SVOP: variants seen among roughly 807,000 people sequenced by gnomAD.
The protein encoded by SVOP is SV2 related protein.
In SVOP, 17 loss-of-function variants were observed where a neutral mutation model predicts 69.1. The ratio of observed to expected loss-of-function variants is 0.25; its 90% CI spans 0.17 to 0.37. The LOEUF (loss-of-function observed/expected upper bound fraction) is 0.37. SVOP is among the 10% of genes least tolerant of loss of function. The probability of loss-of-function intolerance (pLI) is 1.00; values close to 1 mark genes in which losing one functional copy is unlikely to be tolerated. For synonymous variants in SVOP, 238 were observed against 238.6 expected (o/e 1.00, Z 0.02); for missense variants, 435 against 597.5 (o/e 0.73, Z 2.84).
At chr12:108,953,275 A>G (rs1473226044) in intron 6 of SVOP, among the ~76,000 whole-genome samples, 1 of 150,476 alleles carries the variant, frequency 6.6e-6, no homozygotes, top group East Asian at 2.0e-4. Context: ...CAGCCTCCCA[A>G]GTAGCTGGGA....
At position 108,964,692 on chromosome 12, in the gene SVOP, T is replaced by C. The variant is rs572302154; in HGVS notation, c.454-3645A>G. Among the ~76,000 whole-genome samples the C allele has an allele frequency of 7.9e-5, 12 of 152,276 alleles. No homozygotes were observed. In the East Asian group the frequency reaches 1.7e-3, roughly 22 times the overall value. On this transcript the variant is annotated intron_variant, in intron 5 of 15. Transcript: ENST00000610966. ...CAGCAAGCCCCACCCAATAGCTTGTTTGGGACTCCGCAGACATGTCTCACG... is the reference window on the plus strand; with the variant it reads ...CAGCAAGCCCCACCCAATAGCTTGTCTGGGACTCCGCAGACATGTCTCACG...
At chr12:108,992,074 C>A (rs2137446012) in intron 1 of SVOP, among the ~76,000 whole-genome samples, 1 of 152,208 alleles carries the variant, frequency 6.6e-6, no homozygotes, top group South Asian at 2.1e-4. Context: ...TACCCTCCCC[C>A]AACAATATTG....
Position 108,989,055 on chromosome 12 carries a change from G to A in SVOP, c.36-5294C>T, listed in dbSNP as rs529389572. Among the ~76,000 whole-genome samples, 160 of 152,154 alleles carry A rather than the reference G, an allele frequency of 1.1e-3. 4 individuals carry two copies. In the South Asian group the frequency reaches 0.02, roughly 19 times the overall value. The stretch of plus-strand genomic sequence containing the variant: ...CCCAAAGTGCTGGTATTACAGGCAT[G>A]AGCCACCATGCCCACCCTCCTTTTT... On this transcript the variant is annotated intron_variant, in intron 1 of 15. Coordinates refer to ENST00000610966, the MANE Select transcript of SVOP (RefSeq NM_018711.5).
At chr12:108,919,116 A>G (rs1223400336) in intron 13 of SVOP, among the ~76,000 whole-genome samples, 1 of 147,988 alleles carries the variant, frequency 6.8e-6, no homozygotes, top group Non-Finnish European at 1.5e-5. Context: ...CCCTACCTGC[A>G]CCCACACCTG....
intron 14 of SVOP, among the ~76,000 whole-genome samples, chr12:108,916,242 G>C (rs1161896761): frequency 2.0e-5 from 3 of 152,210 alleles, no homozygotes; most frequent in African/African-American, 7.2e-5. Context: ...ACTTCATAAA[G>C]AGAGAGATGG....
chr12:108,914,390 GA>G (rs760833643), intron 15 of SVOP, among the ~76,000 whole-genome samples: 1 of 152,092 alleles, frequency 6.6e-6, no homozygotes, highest in Admixed American at 6.5e-5. Flanking sequence ...GATTCAAACA[GA>G]AAAAAACCTG....
intron 5 of SVOP, among the ~76,000 whole-genome samples, chr12:108,963,048 T>A (rs991981559): frequency 3.3e-5 from 5 of 151,974 alleles, no homozygotes; most frequent in Non-Finnish European, 5.9e-5. Context: ...GGAAAAAAAA[T>A]TAAGAGTAAA....
chr12:109,000,939 A>G (rs2040264666), intron 1 of SVOP, among the ~76,000 whole-genome samples: 1 of 150,270 alleles, frequency 6.7e-6, no homozygotes, highest in South Asian at 2.1e-4. Context: ...CCTATTCAAC[A>G]TAGTGTTGGC....
chr12:108,930,222 A>G (rs1397723960), intron 11 of SVOP, among the ~76,000 whole-genome samples: 2 of 152,240 alleles, frequency 1.3e-5, no homozygotes, highest in African/African-American at 2.4e-5. Context: ...GACAAATTAA[A>G]TGTAACAGAG....
chr12:108,940,643 C>T, intron 8 of SVOP, 141 bp downstream of exon 8: 1 of 1,290,220 alleles, frequency 7.8e-7, no homozygotes, highest in Non-Finnish European at 1.0e-6. Flanking sequence ...CAGGCCATAG[C>T]TCCCTTGTCT....
At chr12:108,971,908 G>A (rs1314649309) in intron 5 of SVOP, among the ~76,000 whole-genome samples, 1 of 151,986 alleles carries the variant, frequency 6.6e-6, no homozygotes, top group Admixed American at 6.6e-5. Flanking sequence ...ACAAAAATGA[G>A]CTGGGTGTAT....
intron 1 of SVOP, among the ~76,000 whole-genome samples, chr12:109,014,004 C>T (rs1461486087): frequency 7.5e-6 from 1 of 134,154 alleles, no homozygotes; most frequent in Non-Finnish European, 1.5e-5. Context: ...TGTAGGACTG[C>T]CCAAATTTCC....
chr12:108,946,614 T>TTCTA (rs948880763), intron 6 of SVOP, among the ~76,000 whole-genome samples: 7 of 151,610 alleles, frequency 4.6e-5, no homozygotes, highest in Non-Finnish European at 7.4e-5. Context: ...CTATCTTATC[T>TTCTA]TCTATCTATC....
At chr12:108,996,192 A>T (rs2040231201) in intron 1 of SVOP, among the ~76,000 whole-genome samples, 1 of 151,960 alleles carries the variant, frequency 6.6e-6, no homozygotes, top group Non-Finnish European at 1.5e-5. Context: ...ACAAAGTGAG[A>T]CTCTGTTTCT....
intron 11 of SVOP, among the ~76,000 whole-genome samples, chr12:108,931,866 C>A (rs2039822063): frequency 6.6e-6 from 1 of 151,576 alleles, no homozygotes; most frequent in Non-Finnish European, 1.5e-5. Context: ...CCGGGTGAGT[C>A]TGTTATGTGG....
chr12:108,984,637 C>T lies in SVOP; in HGVS notation c.36-876G>A, dbSNP rs1382108376. On this transcript the variant is annotated intron_variant, in intron 1 of 15. Transcript: ENST00000610966. ...TGAGTTTGAGACCCCATGGGCCCCA[C>T]TCTTATGCAATATGTCCTTCAAACT... 2.6e-5 allele frequency among the ~76,000 whole-genome samples: 4 copies of T among 152,338 alleles called. No homozygotes were observed. The East Asian group carries it at 7.7e-4, about 29-fold the overall frequency.
intron 10 of SVOP, among the ~76,000 whole-genome samples, chr12:108,934,824 C>A (rs2039846882): frequency 6.6e-6 from 1 of 152,230 alleles, no homozygotes; most frequent in Non-Finnish European, 1.5e-5. Flanking sequence ...AAAGGGAAGG[C>A]ATGAATAATC....
chr12:108,916,863 C>G (rs1013233073), intron 14 of SVOP, among the ~76,000 whole-genome samples: 2 of 152,226 alleles, frequency 1.3e-5, no homozygotes, highest in Non-Finnish European at 2.9e-5. Context: ...CCCACCTCAG[C>G]CCCACCCCGA....
chr12:108,994,121 G>T (rs898855164), intron 1 of SVOP, among the ~76,000 whole-genome samples: 1 of 152,154 alleles, frequency 6.6e-6, no homozygotes, highest in Admixed American at 6.5e-5. Flanking sequence ...TAAATGTCCC[G>T]TGCTGCCACC....
Sources: allele counts gnomAD v4.1 joint callset (sites outside exome capture counted in the v4.1 genomes callset), GRCh38; gene constraint gnomAD v4.1.1; transcripts MANE v1.5; gene names NCBI Gene and HGNC (gene_info 2026-07-23, HGNC 2026-07-21).